Variants in FMNL1 observed in about 807,000 individuals in gnomAD.
The protein encoded by FMNL1 is formin-like protein 1.
Under a neutral mutation model 121.3 loss-of-function variants are expected in FMNL1, and 43 were observed. The observed-to-expected ratio is 0.35, with a 90% CI of 0.28 to 0.46. The LOEUF (loss-of-function observed/expected upper bound fraction) is 0.46. Ranked by LOEUF, FMNL1 falls within the 20% of genes least tolerant of loss-of-function variation. The pLI, the probability that FMNL1 is intolerant of heterozygous loss-of-function variation, is 1.00. For synonymous variants in FMNL1, 613 were observed against 613.5 expected, an observed-to-expected ratio of 1.00 and a Z score of 0.01; for missense variants, 1,191 against 1,482.4, an observed-to-expected ratio of 0.80 and a Z score of 3.23.
rs2143637916 is a variant in FMNL1, at chr17:45,245,111, A to G, written c.2728+3A>G. 6.2e-7 allele frequency: 1 copy of G among 1,614,000 alleles called. No individual in the cohort carries two copies. Among genetic ancestry groups the G allele is most frequent in the East Asian group, 2.2e-5 (1 of 44,874 alleles). ...CTTCCTGGACAAGGCGGGCTCAGGT[A>G]GGAGACACACAGATCCTTGGGTGTG... On this transcript the variant is annotated splice_donor_region_variant and intron_variant, in intron 21 of 26. Transcript: ENST00000331495.
intron 1 of FMNL1, among the ~76,000 whole-genome samples, chr17:45,228,055 C>G (rs1047846453): frequency 2.6e-5 from 4 of 152,186 alleles, no homozygotes; most frequent in African/African-American, 7.2e-5. Flanking sequence ...AGCCCCCCAT[C>G]CCATGGTGCT....
Position 45,233,411 on chromosome 17 carries a change from G to C in FMNL1, c.401+114G>C. Reference sequence around the variant, plus strand: ...CCCCCTGCACAAGGCTGTGCTTGTGGACCACCTCCTGGAGGTGTCCAGGAC... The same window carrying C: ...CCCCCTGCACAAGGCTGTGCTTGTGCACCACCTCCTGGAGGTGTCCAGGAC... On this transcript the variant is annotated intron_variant, in intron 4 of 26. Coordinates refer to ENST00000331495, the MANE Select transcript of FMNL1 (RefSeq NM_005892.4). The surrounding 1 kb of genome is among the most constrained non-coding windows in gnomAD (Gnocchi z 4.1). The C allele has an allele frequency of 8.4e-7, 1 of 1,183,664 alleles. No homozygotes were observed. The allele number at this position is 1,183,664 out of a possible 1,614,324, so 73.3% of individuals were successfully genotyped here. A position where few individuals can be genotyped will look rare whatever the true frequency, so the allele number is the denominator to read the frequency against.
In FMNL1 at chr17:45,233,875, C is replaced by T; in HGVS notation, c.485+144C>T. On this transcript the variant is annotated intron_variant, in intron 5 of 26. Coordinates refer to ENST00000331495, the MANE Select transcript of FMNL1 (RefSeq NM_005892.4). This position sits in a 1 kb window ranked among gnomAD's most constrained non-coding sequence, Gnocchi z 4.1. ...CCTCCACTTGGCCTTGAGCGATGCT[C>T]CTTCCAGAAGGCCTGCCCCCGACAG... is the stretch of plus-strand genomic sequence containing the variant. 5.9e-6 allele frequency: 8 copies of T among 1,346,228 alleles called. No homozygotes were observed. The highest frequency in any genetic ancestry group is 8.1e-6 in the Non-Finnish European group (8 of 993,052). 83.4% of individuals were successfully genotyped at this position (1,346,228 alleles called of 1,614,324 possible). A position where few individuals can be genotyped will look rare whatever the true frequency, so the allele number is the denominator to read the frequency against.
rs1290702799 is a variant in FMNL1 at position 45,242,067 on chromosome 17, T to C, written c.1806T>C (p.Pro602=). 1.4e-6 allele frequency: 2 copies of C among 1,461,756 alleles called. No homozygotes were observed. Among genetic ancestry groups the C allele is most frequent in the Non-Finnish European group, 1.8e-6 (2 of 1,103,134 alleles). The allele number at this position is 1,461,756 out of a possible 1,614,324, so 90.5% of individuals were successfully genotyped here. The change falls in exon 15 of 27, where the codon CCT becomes CCC. Residue 602 remains proline, a synonymous_variant. Transcript: ENST00000331495. ...CTCCGGGCACTGACGGGCCGGTGCCTCCGCCGCCGCCGCCGCCGCCGCCGC... is the reference window on the plus strand; with the variant it reads ...CTCCGGGCACTGACGGGCCGGTGCCCCCGCCGCCGCCGCCGCCGCCGCCGC... The part of the protein sequence containing the change: ...PPPPGTDGPV[P]PPPPPPPPPP...
chr17:45,245,132 G>C, intron 21 of FMNL1, 24 bp downstream of exon 21: 1 of 1,612,472 alleles, frequency 6.2e-7, no homozygotes, highest in East Asian at 2.2e-5. Flanking sequence ...AGATCCTTGG[G>C]TGTGGGGAGG....
chr17:45,227,282 G>A (rs79091156), intron 1 of FMNL1, among the ~76,000 whole-genome samples: 12,869 of 152,148 alleles, frequency 0.085, 739 homozygotes, highest in East Asian at 0.16. Flanking sequence ...GTGTCCAGAT[G>A]TGGACGCAGC....
chr17:45,237,530 C>A lies in FMNL1; in HGVS notation c.801-16C>A, dbSNP rs2043578286. The stretch of plus-strand genomic sequence containing the variant: ...CTGCCTGTTCTCAAGGGACAACCTG[C>A]CCCTTCTCTCTCCAGAACCAAGGCT... On this transcript the variant is annotated splice_polypyrimidine_tract_variant and intron_variant, in intron 8 of 26. Transcript: ENST00000331495. This position sits in a 1 kb window ranked among gnomAD's most constrained non-coding sequence, Gnocchi z 4.4. The A allele has an allele frequency of 1.2e-6, 2 of 1,613,936 alleles. No homozygotes were observed. The highest frequency in any genetic ancestry group is 1.1e-5 in the South Asian group (1 of 91,070).
At chr17:45,223,748 A>C (rs917006548) in intron 1 of FMNL1, among the ~76,000 whole-genome samples, 2 of 152,070 alleles carry the variant, frequency 1.3e-5, no homozygotes, top group African/African-American at 2.4e-5. Context: ...ACCTGGTTGG[A>C]GGGACATGGG....
intron 10 of FMNL1, 21 bp from the exon 11 acceptor site, chr17:45,238,934 C>G (rs746571860): frequency 2.5e-6 from 4 of 1,602,608 alleles, no homozygotes; most frequent in African/African-American, 1.3e-5. Context: ...TCATAGATCT[C>G]CCCATGTCCC....
rs57287955 is a variant in FMNL1 at position 45,245,146 on chromosome 17, C to T, written c.2728+38C>T. 6.2e-3 allele frequency: 9,935 copies of T among 1,610,538 alleles called. 504 individuals carry two copies. In the African/African-American group the frequency reaches 0.11, roughly 18 times the overall value. On this transcript the variant is annotated intron_variant, in intron 21 of 26. Coordinates refer to ENST00000331495, the MANE Select transcript of FMNL1 (RefSeq NM_005892.4). ...CAGATCCTTGGGTGTGGGGAGGGGC[C>T]GTGGGCTGGGGTAGGTTGGGAGAAA...
intron 1 of FMNL1, among the ~76,000 whole-genome samples, chr17:45,225,947 C>G (rs1255158350): frequency 6.6e-6 from 1 of 152,144 alleles, no homozygotes; most frequent in African/African-American, 2.4e-5. Flanking sequence ...GCTCAGTAAC[C>G]CCCCTCCACT....
chr17:45,243,657 C>T (rs542786357), intron 17 of FMNL1, 134 bp from the exon 18 acceptor site: 18 of 903,540 alleles, frequency 2.0e-5, no homozygotes, highest in Non-Finnish European at 2.8e-5. Flanking sequence ...TGGATTCCTA[C>T]CTCTTGCTCT....
In FMNL1 at chr17:45,238,640, T is replaced by TGAGCTCAG. The variant is rs2043606261; in HGVS notation, c.969+7_969+14dup. 2 of 1,614,042 alleles carry TGAGCTCAG rather than the reference T, an allele frequency of 1.2e-6. No individual in the cohort carries two copies. The highest frequency in any genetic ancestry group is 1.7e-6 in the Non-Finnish European group (2 of 1,180,022). Reference sequence around the variant, plus strand: ...GAGGACAGCAACATCGACTTCATGGTGAGCTCAGGAGCCCAGCAGCCTGAG... The same window carrying TGAGCTCAG: ...GAGGACAGCAACATCGACTTCATGGTGAGCTCAGGAGCTCAGGAGCCCAGCAGCCTGAG... On this transcript the variant is annotated splice_region_variant and intron_variant, in intron 10 of 26. Transcript: ENST00000331495.
intron 15 of FMNL1, 31 bp from the exon 16 acceptor site, chr17:45,242,310 G>T (rs1366636134): frequency 6.2e-7 from 1 of 1,610,392 alleles, no homozygotes; most frequent in Non-Finnish European, 8.5e-7. Context: ...TACCCCCAGT[G>T]CTCACCACTG....
At position 45,233,100 on chromosome 17, in the gene FMNL1, G is replaced by T; in HGVS notation, c.328-124G>T. 1.1e-6 allele frequency: 1 copy of T among 890,734 alleles called. No individual in the cohort carries two copies. 55.2% of individuals were successfully genotyped at this position (890,734 alleles called of 1,614,324 possible). A position where few individuals can be genotyped will look rare whatever the true frequency, so the allele number is the denominator to read the frequency against. On this transcript the variant is annotated intron_variant, in intron 3 of 26. Transcript: ENST00000331495. This position sits in a 1 kb window ranked among gnomAD's most constrained non-coding sequence, Gnocchi z 4.1. ...GTGTGTGGAGGTGGTGGGGGAGGCT[G>T]AGCATGAAAGGCCACTTGTGCCAGT...
In FMNL1 at chr17:45,233,057, T is replaced by A. The variant is rs2043473131; in HGVS notation, c.328-167T>A. On this transcript the variant is annotated intron_variant, in intron 3 of 26. Transcript: ENST00000331495. This position sits in a 1 kb window ranked among gnomAD's most constrained non-coding sequence, Gnocchi z 4.1. ...GGGGGAGCACATGTAGCCTGTGAGT[T>A]CTTATTCTGCTGGGCAGGTGTGTGG... The A allele has an allele frequency of 1.4e-6, 1 of 708,680 alleles. No individual in the cohort carries two copies. The highest frequency in any genetic ancestry group is 2.8e-5 in the East Asian group (1 of 36,154). The allele number at this position is 708,680 out of a possible 1,614,324, so 43.9% of individuals were successfully genotyped here. A position where few individuals can be genotyped will look rare whatever the true frequency, so the allele number is the denominator to read the frequency against.
chr17:45,237,726 G>T lies in FMNL1; in HGVS notation c.894+87G>T. 1 of 1,455,900 alleles carries T rather than the reference G, an allele frequency of 6.9e-7. No individual in the cohort carries two copies. Among genetic ancestry groups the T allele is most frequent in the Non-Finnish European group, 9.6e-7 (1 of 1,045,728 alleles). 90.2% of individuals were successfully genotyped at this position (1,455,900 alleles called of 1,614,324 possible). A position where few individuals can be genotyped will look rare whatever the true frequency, so the allele number is the denominator to read the frequency against. On this transcript the variant is annotated intron_variant, in intron 9 of 26. Coordinates refer to ENST00000331495, the MANE Select transcript of FMNL1 (RefSeq NM_005892.4). This position sits in a 1 kb window ranked among gnomAD's most constrained non-coding sequence, Gnocchi z 4.4. ...TTGGCAGTTGTGGCCTTTGCTGGAG[G>T]CAGCTGGGGACATTGGGTGGGCATT...
intron 16 of FMNL1, 137 bp from the exon 17 acceptor site, chr17:45,242,981 C>T: frequency 1.1e-6 from 1 of 926,078 alleles, no homozygotes; most frequent in Non-Finnish European, 1.6e-6. Flanking sequence ...CCATCAGGGC[C>T]TGTGGTCAGG....
chr17:45,239,374 G>T (rs2043629793), intron 11 of FMNL1: 3 of 310,056 alleles, frequency 9.7e-6, no homozygotes, highest in Non-Finnish European at 6.1e-6. Flanking sequence ...CCCAGAGTCT[G>T]GCTCTGGGAG....
Sources: allele counts gnomAD v4.1 joint callset (sites outside exome capture counted in the v4.1 genomes callset), GRCh38; gene constraint gnomAD v4.1.1; non-coding constraint Gnocchi (gnomAD v3.1); transcripts MANE v1.5; gene names NCBI Gene and HGNC (gene_info 2026-07-23, HGNC 2026-07-21).